The following FOCAD variants were observed in gnomAD, a reference collection of about 807,000 sequenced individuals.
FOCAD encodes KIAA1797.
FOCAD carries 198 observed loss-of-function variants against 225.6 expected under a neutral mutation model. The ratio of observed to expected loss-of-function variants is 0.88; its 90% CI spans 0.78 to 0.99. The LOEUF (loss-of-function observed/expected upper bound fraction) is 0.99. FOCAD is among the 50% of genes least tolerant of loss of function. The pLI, the probability that FOCAD is intolerant of heterozygous loss-of-function variation, is 0.00. For synonymous variants in FOCAD, 897 were observed against 755.0 expected, an observed-to-expected ratio of 1.19 and a Z score of -3.08; for missense variants, 2,713 against 2,123.6, an observed-to-expected ratio of 1.28 and a Z score of -5.46.
chr9:20,817,475 A>G (rs1322162364), intron 11 of FOCAD, among the ~76,000 whole-genome samples: 1 of 151,776 alleles, frequency 6.6e-6, no homozygotes, highest in African/African-American at 2.4e-5. Flanking sequence ...TCTTACCATA[A>G]TGTTTTCAAG....
intron 15 of FOCAD, among the ~76,000 whole-genome samples, chr9:20,850,685 A>G (rs1353791501): frequency 6.6e-6 from 1 of 151,604 alleles, no homozygotes; most frequent in South Asian, 2.1e-4. Flanking sequence ...TTCTTTTATC[A>G]TATATGATTT....
intron 1 of FOCAD, among the ~76,000 whole-genome samples, chr9:20,692,220 A>G (rs766344851): frequency 3.9e-5 from 6 of 152,092 alleles, no homozygotes; most frequent in Non-Finnish European, 7.4e-5. Flanking sequence ...TTTTTTACCT[A>G]TAATCTTTCC....
intron 5 of FOCAD, among the ~76,000 whole-genome samples, chr9:20,751,791 C>G (rs1233685648): frequency 6.7e-6 from 1 of 148,352 alleles, no homozygotes; most frequent in Non-Finnish European, 1.5e-5. Flanking sequence ...AAAAGTGTTC[C>G]TATTACTCCA....
chr9:20,753,736 G>A lies in FOCAD; in HGVS notation c.393-4354G>A, dbSNP rs1243093050. ...TATTTTCTTCTGAGATATGGACATGGCTACATAACAGTAAATGATTATGAT... is the reference window on the plus strand; with the variant it reads ...TATTTTCTTCTGAGATATGGACATGACTACATAACAGTAAATGATTATGAT... On this transcript the variant is annotated intron_variant, in intron 5 of 43. Coordinates refer to ENST00000338382, the MANE Select transcript of FOCAD (RefSeq NM_001375567.1). Among the ~76,000 whole-genome samples the A allele has an allele frequency of 4.6e-5, 7 of 151,988 alleles. No individual in the cohort carries two copies. The East Asian group carries it at 1.4e-3, about 29-fold the overall frequency.
chr9:20,843,136 G>T (rs1384277450), intron 15 of FOCAD, among the ~76,000 whole-genome samples: 4 of 152,066 alleles, frequency 2.6e-5, no homozygotes, highest in South Asian at 2.1e-4. Context: ...TATGAGTAGT[G>T]TACATACCAG....
At chr9:20,862,345 T>G (rs1300615712) in intron 15 of FOCAD, among the ~76,000 whole-genome samples, 8 of 152,092 alleles carry the variant, frequency 5.3e-5, no homozygotes, top group Non-Finnish European at 1.0e-4. Context: ...TTTACTTGGT[T>G]AACTAAAAAC....
At chr9:20,736,658 T>C (rs1037575362) in intron 4 of FOCAD, among the ~76,000 whole-genome samples, 1 of 152,180 alleles carries the variant, frequency 6.6e-6, no homozygotes, top group African/African-American at 2.4e-5. Context: ...AACATTATTA[T>C]CTTTATGTTA....
Position 20,950,990 on chromosome 9 carries a change from T to C in FOCAD, c.3949-6T>C. ...CATCATTGAACTGTTACCTTTTTAT[T>C]TGTAGGTCATTAGTGTCTCTGGGGT... On this transcript the variant is annotated splice_polypyrimidine_tract_variant and splice_region_variant and intron_variant, in intron 33 of 43. Transcript: ENST00000338382. 6.2e-7 allele frequency: 1 copy of C among 1,610,680 alleles called. No individual in the cohort carries two copies. The highest frequency in any genetic ancestry group is 1.1e-5 in the South Asian group (1 of 90,992).
chr9:20,703,624 A>G (rs1379414018), intron 1 of FOCAD, among the ~76,000 whole-genome samples: 1 of 151,838 alleles, frequency 6.6e-6, no homozygotes, highest in East Asian at 1.9e-4. Flanking sequence ...ATCTTTGCAT[A>G]TAAGTAATTT....
intron 35 of FOCAD, 31 bp downstream of exon 35, chr9:20,953,096 T>C (rs1178696663): frequency 7.1e-6 from 11 of 1,540,552 alleles, no homozygotes; most frequent in Non-Finnish European, 9.9e-6. Flanking sequence ...AATTTTATCA[T>C]TCTATCTCCA....
At chr9:20,708,717 A>G (rs554973274) in intron 1 of FOCAD, among the ~76,000 whole-genome samples, 1 of 152,220 alleles carries the variant, frequency 6.6e-6, no homozygotes, top group African/African-American at 2.4e-5. Flanking sequence ...TTGAGGCTGC[A>G]GTGACCTATG....
intron 22 of FOCAD, 96 bp from the exon 23 acceptor site, chr9:20,912,770 C>T (rs1587587577): frequency 2.1e-6 from 2 of 956,664 alleles, no homozygotes; most frequent in East Asian, 4.9e-5. Flanking sequence ...ACACTTAAGG[C>T]CAAATGGAAA....
rs35856539 is a variant in FOCAD at position 20,914,101 on chromosome 9, CA to C, written c.2807+1161del. ...GCAACATGGCAAAACTCTGTCTTTC[CA>C]AAAAAAAAAAAAAGATACAGTTAAA... On this transcript the variant is annotated intron_variant, in intron 23 of 43. Transcript: ENST00000338382. Among the ~76,000 whole-genome samples the C allele has an allele frequency of 1.6e-3, 201 of 128,010 alleles. 1 individual carries two copies. Among genetic ancestry groups the C allele is most frequent in the Non-Finnish European group, 1.5e-3 (89 of 59,952 alleles). 84.0% of individuals were successfully genotyped at this position (128,010 alleles called of 152,430 possible). A position where few individuals can be genotyped will look rare whatever the true frequency, so the allele number is the denominator to read the frequency against.
chr9:20,812,326 A>G (rs1019787434), intron 11 of FOCAD, among the ~76,000 whole-genome samples: 2 of 150,940 alleles, frequency 1.3e-5, no homozygotes, highest in African/African-American at 4.8e-5. Context: ...AAAAAGGAAT[A>G]GTTATAAACA....
At chr9:20,742,353 A>T (rs1827698516) in intron 5 of FOCAD, among the ~76,000 whole-genome samples, 1 of 152,214 alleles carries the variant, frequency 6.6e-6, no homozygotes, top group Non-Finnish European at 1.5e-5. Context: ...CATCCTAATT[A>T]CTTGGGGACC....
At chr9:20,665,925 C>T (rs1210280414) in intron 2 of FOCAD, among the ~76,000 whole-genome samples, 4 of 151,862 alleles carry the variant, frequency 2.6e-5, no homozygotes, top group Non-Finnish European at 4.4e-5. Flanking sequence ...GACGGAGTCT[C>T]GCTCTGTCAC....
intron 9 of FOCAD, among the ~76,000 whole-genome samples, chr9:20,781,412 G>GT (rs1819347665): frequency 6.6e-6 from 1 of 152,188 alleles, no homozygotes; most frequent in Non-Finnish European, 1.5e-5. Flanking sequence ...TCTTAGCTCT[G>GT]TTTGCTGAGG....
At chr9:20,785,567 G>A (rs573014367) in intron 10 of FOCAD, among the ~76,000 whole-genome samples, 1 of 152,222 alleles carries the variant, frequency 6.6e-6, no homozygotes, top group East Asian at 1.9e-4. Flanking sequence ...TGTCCATGTT[G>A]TAGCATGTGC....
chr9:20,698,002 A>G (rs1336383048), intron 1 of FOCAD, among the ~76,000 whole-genome samples: 1 of 152,274 alleles, frequency 6.6e-6, no homozygotes, highest in Non-Finnish European at 1.5e-5. Context: ...AATAAGTGGT[A>G]TAATTGGATC....
Sources: allele counts gnomAD v4.1 joint callset (sites outside exome capture counted in the v4.1 genomes callset), GRCh38; gene constraint gnomAD v4.1.1; transcripts MANE v1.5; gene names NCBI Gene and HGNC (gene_info 2026-07-23, HGNC 2026-07-21).